The following ZC3H12C variants were observed in gnomAD, a reference collection of about 807,000 sequenced individuals.
The protein encoded by ZC3H12C is probable ribonuclease ZC3H12C.
ZC3H12C carries 20 observed loss-of-function variants against 76.3 expected under a neutral mutation model. The observed-to-expected ratio is 0.26, with a 90% CI of 0.18 to 0.38. ZC3H12C has a LOEUF of 0.38. Ranked by LOEUF, ZC3H12C falls within the 10% of genes least tolerant of loss-of-function variation. ZC3H12C has a pLI of 1.00. For synonymous variants in ZC3H12C, 352 were observed against 399.6 expected, an observed-to-expected ratio of 0.88 and a Z score of 1.42; for missense variants, 874 against 1,086.5, an observed-to-expected ratio of 0.80 and a Z score of 2.75.
intron 2 of ZC3H12C, among the ~76,000 whole-genome samples, chr11:110,142,748 G>T (rs1862089347): frequency 6.6e-6 from 1 of 152,066 alleles, no homozygotes; most frequent in Non-Finnish European, 1.5e-5. Context: ...TTCCTTTAAA[G>T]CAGTACAATC....
chr11:110,139,356 T>C (rs1281869245), intron 2 of ZC3H12C, among the ~76,000 whole-genome samples: 1 of 152,202 alleles, frequency 6.6e-6, no homozygotes, highest in Non-Finnish European at 1.5e-5. Flanking sequence ...TACTAGAGAA[T>C]TTAAAGCTGG....
At chr11:110,130,108 TGAAA>T (rs1861833490) in intron 1 of ZC3H12C, among the ~76,000 whole-genome samples, 1 of 152,188 alleles carries the variant, frequency 6.6e-6, no homozygotes, top group Non-Finnish European at 1.5e-5. Context: ...TAAAATATAA[TGAAA>T]GACTTTGCTT....
rs183811319 is a variant in ZC3H12C at position 110,104,728 on chromosome 11, A to G, written c.21+11296A>G. On this transcript the variant is annotated intron_variant, in intron 1 of 5. Transcript: ENST00000278590. ...ATCTTTGATTTGTTATCCATCAAAC[A>G]TGATCTACTTTGAAGAGTTGTTTTC... Among the ~76,000 whole-genome samples, 3 of 152,358 alleles carry G rather than the reference A, an allele frequency of 2.0e-5. No individual in the cohort carries two copies. In the East Asian group the frequency reaches 5.8e-4, roughly 29 times the overall value.
At chr11:110,124,995 C>T (rs1861714284) in intron 1 of ZC3H12C, among the ~76,000 whole-genome samples, 1 of 151,928 alleles carries the variant, frequency 6.6e-6, no homozygotes, top group Non-Finnish European at 1.5e-5. Flanking sequence ...GAAAAATAAT[C>T]AAGAATTGAT....
intron 1 of ZC3H12C, among the ~76,000 whole-genome samples, chr11:110,121,174 G>T (rs780473095): frequency 2.6e-5 from 4 of 152,224 alleles, no homozygotes; most frequent in Non-Finnish European, 5.9e-5. Flanking sequence ...GCCGCTTTAA[G>T]TACCTGTGTT....
intron 1 of ZC3H12C, among the ~76,000 whole-genome samples, chr11:110,121,258 A>G (rs975480333): frequency 1.3e-5 from 2 of 152,188 alleles, no homozygotes; most frequent in East Asian, 1.9e-4. Flanking sequence ...AGGTATTGGA[A>G]GGCTATTATT....
intron 2 of ZC3H12C, among the ~76,000 whole-genome samples, chr11:110,138,897 G>A (rs1005264882): frequency 6.6e-6 from 1 of 152,156 alleles, no homozygotes; most frequent in Non-Finnish European, 1.5e-5. Flanking sequence ...GAAATCTGGT[G>A]TATATCTTAT....
At chr11:110,125,270 A>AGTGTGTGTGTGTGTGTGTGTGT (rs59512764) in intron 1 of ZC3H12C, among the ~76,000 whole-genome samples, 1 of 138,684 alleles carries the variant, frequency 7.2e-6, no homozygotes, top group Non-Finnish European at 1.5e-5. Context: ...ATCTCTCACT[A>AGTGTGTGTGTGTGTGTGTGTGT]GTGTGTGTGT....
chr11:110,141,093 C>T (rs545625847), intron 2 of ZC3H12C, among the ~76,000 whole-genome samples: 1 of 152,252 alleles, frequency 6.6e-6, no homozygotes, highest in African/African-American at 2.4e-5. Context: ...AGAGTTTATA[C>T]TCAGCCCCGC....
chr11:110,099,330 AACATAGAGTCAGAGTACTGATTTCATCCC>A (rs1378502740), intron 1 of ZC3H12C, among the ~76,000 whole-genome samples: 1 of 152,216 alleles, frequency 6.6e-6, no homozygotes, highest in African/African-American at 2.4e-5. Context: ...TATAACCATT[AACATAGAGTCAGAGTACTGATTTCATCCC>A]ACGTTTGAGC....
chr11:110,132,084 A>G (rs1447627174), intron 1 of ZC3H12C, among the ~76,000 whole-genome samples: 1 of 152,140 alleles, frequency 6.6e-6, no homozygotes. Context: ...TTTTATTTTT[A>G]TTGTTCTCAT....
rs1862602558 is a variant in ZC3H12C, at chr11:110,167,334, G to C, written c.*1597G>C. ...GTAGATCTAGTTAAAACACAAGTAT[G>C]TAACTATGATTAGACTTTTGGGCAA... is the stretch of plus-strand genomic sequence containing the variant. On this transcript the variant is annotated 3_prime_UTR_variant, in exon 6 of 6. Coordinates refer to ENST00000278590, the MANE Select transcript of ZC3H12C (RefSeq NM_033390.2). The C allele has an allele frequency of 6.6e-6, 1 of 152,054 alleles. No homozygotes were observed. Among genetic ancestry groups the C allele is most frequent in the Non-Finnish European group, 1.5e-5 (1 of 68,000 alleles). The allele number at this position is 152,054 out of a possible 1,614,324, so 9.4% of individuals were successfully genotyped here.
intron 1 of ZC3H12C, among the ~76,000 whole-genome samples, chr11:110,108,642 A>G (rs769746658): frequency 6.6e-6 from 1 of 152,252 alleles, no homozygotes; most frequent in Non-Finnish European, 1.5e-5. Context: ...TAGTCCATCC[A>G]ATACTGTATT....
intron 1 of ZC3H12C, among the ~76,000 whole-genome samples, chr11:110,100,375 T>C (rs1861191834): frequency 6.6e-6 from 1 of 152,202 alleles, no homozygotes; most frequent in African/African-American, 2.4e-5. Flanking sequence ...ATGAATCTGC[T>C]GGTAAGTGGG....
At chr11:110,109,400 A>G (rs1861389222) in intron 1 of ZC3H12C, among the ~76,000 whole-genome samples, 1 of 152,212 alleles carries the variant, frequency 6.6e-6, no homozygotes, top group African/African-American at 2.4e-5. Flanking sequence ...AGATTTATGC[A>G]GAAATGGCAC....
intron 1 of ZC3H12C, among the ~76,000 whole-genome samples, chr11:110,105,246 T>C (rs982597078): frequency 2.0e-5 from 3 of 152,220 alleles, no homozygotes; most frequent in Non-Finnish European, 4.4e-5. Flanking sequence ...GGCATCATTT[T>C]CTTTGATGGC....
chr11:110,097,252 A>G (rs970727643), intron 1 of ZC3H12C, among the ~76,000 whole-genome samples: 2 of 152,238 alleles, frequency 1.3e-5, no homozygotes, highest in East Asian at 1.9e-4. Context: ...AACACTGACA[A>G]TAATTCTTAT....
intron 2 of ZC3H12C, among the ~76,000 whole-genome samples, chr11:110,142,136 A>G (rs1256251960): frequency 1.6e-4 from 25 of 152,212 alleles, no homozygotes; most frequent in Non-Finnish European, 1.2e-4. Flanking sequence ...AATCAGAGCT[A>G]GCTTTTTGTT....
intron 1 of ZC3H12C, among the ~76,000 whole-genome samples, chr11:110,105,412 CA>C (rs1191657099): frequency 2.6e-5 from 4 of 151,748 alleles, no homozygotes; most frequent in African/African-American, 9.7e-5. Flanking sequence ...CCTTAAGTAA[CA>C]AAAAAATGGG....
Sources: gnomAD v4.1 joint callset for allele counts (sites outside exome capture counted in the v4.1 genomes callset) on GRCh38, gnomAD v4.1.1 for gene constraint, MANE v1.5 for transcripts, NCBI Gene and HGNC (gene_info 2026-07-23, HGNC 2026-07-21) for gene names.